Variants in PLPPR3 observed in about 807,000 individuals in gnomAD.
PLPPR3 encodes the protein phospholipid phosphatase-related protein type 3.
In PLPPR3, 14 loss-of-function variants were observed where a neutral mutation model predicts 27.3. The ratio of observed to expected loss-of-function variants is 0.51; its 90% CI spans 0.34 to 0.80. The LOEUF (loss-of-function observed/expected upper bound fraction) is 0.80, where lower values mean the gene tolerates loss of function less well. Ranked by LOEUF, PLPPR3 falls within the 30% of genes least tolerant of loss-of-function variation. PLPPR3 has a pLI of 0.01. For synonymous variants in PLPPR3, 671 were observed against 508.0 expected, an observed-to-expected ratio of 1.32 and a Z score of -4.32; for missense variants, 1,287 against 1,056.9, an observed-to-expected ratio of 1.22 and a Z score of -3.02.
Position 815,742 on chromosome 19 carries a change from G to A in PLPPR3, c.185C>T (p.Pro62Leu). Residue 62 changes from proline to leucine, a missense_variant, in exon 3 of 8, where the codon CCC becomes CTC. By Grantham distance (98) the Pro-to-Leu change is moderately conservative. Coordinates refer to ENST00000520876, the MANE Select transcript of PLPPR3 (RefSeq NM_001270366.2). ...FQCYDRTLSMPYVETNEELIP... is the reference protein window; with the variant it reads ...FQCYDRTLSMLYVETNEELIP... ...GAGCTCCTCGTTGGTCTCCACGTAG[G>A]GCATGGAGAGAGTGCGGTCATAGCA... is the stretch of plus-strand genomic sequence containing the variant. 1 of 1,612,416 alleles carries A rather than the reference G, an allele frequency of 6.2e-7. No homozygotes were observed. The highest frequency in any genetic ancestry group is 8.5e-7 in the Non-Finnish European group (1 of 1,179,716).
intron 2 of PLPPR3, among the ~76,000 whole-genome samples, 180 bp from the exon 3 acceptor site, chr19:816,031 G>T (rs139915555): frequency 6.6e-6 from 1 of 151,450 alleles, no homozygotes; most frequent in African/African-American, 2.4e-5. Flanking sequence ...TCTGTAACTC[G>T]ACCATCTACA....
intron 2 of PLPPR3, among the ~76,000 whole-genome samples, chr19:818,698 T>G (rs1464015412): frequency 6.6e-6 from 1 of 151,674 alleles, no homozygotes; most frequent in African/African-American, 2.4e-5. Flanking sequence ...CGCGCCCGGC[T>G]AATTTTTTGT....
Position 812,939 on chromosome 19 carries a change from C to G in PLPPR3, c.1788G>C (p.Ser596=), listed in dbSNP as rs371075527. ...HAPHHPVVHL[S]AGGAPWEWKA... is the part of the protein sequence containing the mutation. The stretch of plus-strand genomic sequence containing the variant: ...TCCACTCCCAGGGCGCGCCGCCGGC[C>G]GACAGGTGCACCACGGGGTGGTGCG... The change falls in exon 8 of 8, where the codon TCG becomes TCC. Residue 596 remains serine, a synonymous_variant. Transcript: ENST00000520876. The G allele has an allele frequency of 7.3e-7, 1 of 1,368,688 alleles. No individual in the cohort carries two copies. Among genetic ancestry groups the G allele is most frequent in the Non-Finnish European group, 9.4e-7 (1 of 1,061,174 alleles). The allele number at this position is 1,368,688 out of a possible 1,614,324, so 84.8% of individuals were successfully genotyped here.
In PLPPR3 at chr19:813,386, C is replaced by T. The variant is rs780159532; in HGVS notation, c.1341G>A (p.Glu447=). 1 of 1,500,816 alleles carries T rather than the reference C, an allele frequency of 6.7e-7. No individual in the cohort carries two copies. Among genetic ancestry groups the T allele is most frequent in the South Asian group, 1.3e-5 (1 of 79,102 alleles). The allele number at this position is 1,500,816 out of a possible 1,614,324, so 93.0% of individuals were successfully genotyped here. ...CCTCCTCCTCCTCTTCCTCTTCGTC[C>T]TCCTCCTCTTCCTCCTCCTCCGCCA... ...EPMAEEEEEE[E]DEEEEEEEEE... Residue 447 remains glutamate, a synonymous_variant, in exon 8 of 8, where the codon GAG becomes GAA. Transcript: ENST00000520876. The surrounding 1 kb of genome is among the most constrained non-coding windows in gnomAD (Gnocchi z 4.1).
At chr19:823,332 G>C (rs1985347), upstream of PLPPR3, among the ~76,000 whole-genome samples, 40,178 of 147,900 alleles carry the variant, frequency 0.27, 5,426 homozygotes, top group East Asian at 0.4. Context: ...ATCCCAGCCA[G>C]ATGGGAGGCT....
chr19:813,051 G>T lies in PLPPR3; in HGVS notation c.1676C>A (p.Ser559Ter). The change falls in exon 8 of 8, where the codon TCG becomes TAG. Residue 559 changes from serine (S) to a stop codon, truncating the protein, a stop_gained. Coordinates refer to ENST00000520876, the MANE Select transcript of PLPPR3 (RefSeq NM_001270366.2). LOFTEE classifies it low-confidence loss of function (END_TRUNC). The surrounding 1 kb of genome is among the most constrained non-coding windows in gnomAD (Gnocchi z 4.1). The stretch of plus-strand genomic sequence containing the variant: ...CGAGGAGTCGGAGCTGGCGCTGGAC[G>T]ACGACGCCGTCTCGGCCGCCTTGGG... ...PGPKAAETAS[S>*]SSASSDSSQY... 6.6e-7 allele frequency: 1 copy of T among 1,506,920 alleles called. No homozygotes were observed. Among genetic ancestry groups the T allele is most frequent in the South Asian group, 1.2e-5 (1 of 81,426 alleles). 93.3% of individuals were successfully genotyped at this position (1,506,920 alleles called of 1,614,324 possible). A position where few individuals can be genotyped will look rare whatever the true frequency, so the allele number is the denominator to read the frequency against.
Position 819,660 on chromosome 19 carries a change from G to A in PLPPR3, c.75+1825C>T, listed in dbSNP as rs140935077. Among the ~76,000 whole-genome samples, 19 of 152,238 alleles carry A rather than the reference G, an allele frequency of 1.2e-4. No individual in the cohort carries two copies. In the East Asian group the frequency reaches 3.1e-3, roughly 25 times the overall value. On this transcript the variant is annotated intron_variant, in intron 2 of 7. Transcript: ENST00000520876. ...TATGAAGTGATGTGGGCAACTTAAT[G>A]ATATTGTGTTTGGGAGGGACCCACT... is the stretch of plus-strand genomic sequence containing the variant.
chr19:821,358 C>G (rs1382895088), intron 2 of PLPPR3, 127 bp downstream of exon 2: 14 of 709,666 alleles, frequency 2.0e-5, no homozygotes, highest in East Asian at 6.8e-5. Context: ...CCGGACACCC[C>G]GGTCCTGCCC....
Position 813,407 on chromosome 19 carries a change from C to T in PLPPR3, c.1320G>A (p.Ala440=), listed in dbSNP as rs201467490. 413 of 1,504,300 alleles carry T rather than the reference C, an allele frequency of 2.7e-4. 4 individuals carry two copies. In the African/African-American group the frequency reaches 5.2e-3, roughly 19 times the overall value. The allele number at this position is 1,504,300 out of a possible 1,614,324, so 93.2% of individuals were successfully genotyped here. A position where few individuals can be genotyped will look rare whatever the true frequency, so the allele number is the denominator to read the frequency against. The part of the protein sequence containing the change: ...GHLRAPAEPM[A]EEEEEEEDEE... The stretch of plus-strand genomic sequence containing the variant: ...CGTCCTCCTCCTCTTCCTCCTCCTC[C>T]GCCATGGGTTCGGCGGGCGCGCGCA... Residue 440 remains alanine, a synonymous_variant, in exon 8 of 8, where the codon GCG becomes GCA. Transcript: ENST00000520876. This position sits in a 1 kb window ranked among gnomAD's most constrained non-coding sequence, Gnocchi z 4.1.
chr19:821,618 G>T (rs2035147580), intron 1 of PLPPR3, 33 bp from the exon 2 acceptor site: 1 of 1,342,222 alleles, frequency 7.5e-7, no homozygotes, highest in Non-Finnish European at 1.0e-6. Context: ...GGAGGGGGGC[G>T]CGCAGGCGGA....
Position 815,737 on chromosome 19 carries a change from C to T in PLPPR3, c.190G>A (p.Val64Met), listed in dbSNP as rs775772236. 21 of 1,611,956 alleles carry T rather than the reference C, an allele frequency of 1.3e-5. No individual in the cohort carries two copies. Among genetic ancestry groups the T allele is most frequent in the Non-Finnish European group, 1.4e-5 (16 of 1,179,596 alleles). Residue 64 changes from valine to methionine, a missense_variant, in exon 3 of 8, where the codon GTG (valine) becomes ATG (methionine). Physicochemically the swap from Val to Met is conservative, Grantham distance 21. Transcript: ENST00000520876. ...CYDRTLSMPY[V>M]ETNEELIPLL... ...GGGATGAGCTCCTCGTTGGTCTCCA[C>T]GTAGGGCATGGAGAGAGTGCGGTCA...
upstream of PLPPR3, among the ~76,000 whole-genome samples, chr19:823,144 CAAAG>C (rs200592070): frequency 1.4e-5 from 2 of 144,922 alleles, no homozygotes; most frequent in South Asian, 2.3e-4. Flanking sequence ...AACAAACAAA[CAAAG>C]AGTGACTTCC....
upstream of PLPPR3, among the ~76,000 whole-genome samples, chr19:823,554 A>G (rs2035181114): frequency 6.6e-6 from 1 of 152,142 alleles, no homozygotes; most frequent in South Asian, 2.1e-4. Flanking sequence ...GTCGCCTGCC[A>G]TAAATGCGGA....
At chr19:814,652 G>A (rs771041486) in intron 6 of PLPPR3, 40 bp downstream of exon 6, 3 of 1,609,594 alleles carry the variant, frequency 1.9e-6, no homozygotes, top group East Asian at 2.2e-5. Flanking sequence ...CCACGGGTCA[G>A]CAAGAGGGCC....
At position 819,057 on chromosome 19, in the gene PLPPR3, A is replaced by ACCT. The variant is rs1378502298; in HGVS notation, c.75+2425_75+2427dup. The stretch of plus-strand genomic sequence containing the variant: ...AGTGGAACAGTCTCAGCTCACTGCA[A>ACCT]CCTCCACCTCCCGTCCTCAAGCGAT... On this transcript the variant is annotated intron_variant, in intron 2 of 7. Transcript: ENST00000520876. 9.3e-5 allele frequency among the ~76,000 whole-genome samples: 10 copies of ACCT among 107,028 alleles called. 2 individuals carry two copies. In the East Asian group the frequency reaches 2.4e-3, roughly 26 times the overall value. 70.2% of individuals were successfully genotyped at this position (107,028 alleles called of 152,430 possible). A position where few individuals can be genotyped will look rare whatever the true frequency, so the allele number is the denominator to read the frequency against.
In PLPPR3 at chr19:815,094, AG is replaced by A. The variant is rs773704988; in HGVS notation, c.404-14del. On this transcript the variant is annotated splice_polypyrimidine_tract_variant and intron_variant, in intron 4 of 7. Transcript: ENST00000520876. ...AACACGTGGACACCTGCAGGGCGGA[AG>A]GCTCGGCCAGGCGGGGAGCTGGGGA... 4.4e-6 allele frequency: 7 copies of A among 1,601,954 alleles called. No homozygotes were observed. The highest frequency in any genetic ancestry group is 5.9e-6 in the Non-Finnish European group (7 of 1,179,416).
At chr19:817,301 C>T (rs1229869534) in intron 2 of PLPPR3, among the ~76,000 whole-genome samples, 1 of 151,510 alleles carries the variant, frequency 6.6e-6, no homozygotes, top group African/African-American at 2.4e-5. Flanking sequence ...TTTTTTTTTC[C>T]CCCACTCTGT....
rs1025653044 is a variant in PLPPR3, at chr19:812,779, C to T, written c.1948G>A (p.Glu650Lys). ...GTGGCCACGGCCCCGAACCGCGGCTCCTCCTGGTCCACGTCGCTGACCGAC... is the reference window on the plus strand; with the variant it reads ...GTGGCCACGGCCCCGAACCGCGGCTTCTCCTGGTCCACGTCGCTGACCGAC... ...GSSVSDVDQE[E>K]PRFGAVATVN... The change falls in exon 8 of 8, where the codon GAG becomes AAG. Residue 650 changes from glutamate (E) to lysine (K), a missense_variant. Physicochemically the swap from Glu to Lys is moderately conservative, Grantham distance 56. Transcript: ENST00000520876. The T allele has an allele frequency of 1.8e-6, 2 of 1,086,040 alleles. No individual in the cohort carries two copies. The highest frequency in any genetic ancestry group is 2.2e-6 in the Non-Finnish European group (2 of 893,856). The allele number at this position is 1,086,040 out of a possible 1,614,324, so 67.3% of individuals were successfully genotyped here.
chr19:817,680 GA>G (rs2035082439), intron 2 of PLPPR3, among the ~76,000 whole-genome samples: 1 of 152,156 alleles, frequency 6.6e-6, no homozygotes, highest in Admixed American at 6.6e-5. Flanking sequence ...TCCAGGAAGG[GA>G]AAAGCCATCA....
Sources: allele counts gnomAD v4.1 joint callset (sites outside exome capture counted in the v4.1 genomes callset), GRCh38; gene constraint gnomAD v4.1.1; non-coding constraint Gnocchi (gnomAD v3.1); transcripts MANE v1.5; gene names NCBI Gene and HGNC (gene_info 2026-07-23, HGNC 2026-07-21).